Variants in KCNK13 observed in about 807,000 individuals in gnomAD.
KCNK13 encodes the protein potassium two pore domain channel subfamily K member 13.
In KCNK13, 12 loss-of-function variants were observed where a neutral mutation model predicts 23.4. The ratio of observed to expected loss-of-function variants is 0.51; its 90% CI spans 0.33 to 0.83. The LOEUF is 0.83. Among genes scored for constraint, KCNK13 ranks in the 40% least tolerant of loss-of-function variants. The probability of loss-of-function intolerance (pLI) is 0.02; values close to 1 mark genes in which losing one functional copy is unlikely to be tolerated. For missense variants in KCNK13, 463 were observed against 556.3 expected, an observed-to-expected ratio of 0.83 and a Z score of 1.69; for synonymous variants, 231 against 229.5, an observed-to-expected ratio of 1.01 and a Z score of -0.06.
chr14:90,116,476 C>T (rs1052092385), intron 1 of KCNK13, among the ~76,000 whole-genome samples: 3 of 152,108 alleles, frequency 2.0e-5, no homozygotes, highest in Non-Finnish European at 2.9e-5. Context: ...AAGGAAGTTC[C>T]GTGTGCCCTG....
chr14:90,114,356 A>G (rs1566954034), intron 1 of KCNK13, among the ~76,000 whole-genome samples: 2 of 152,112 alleles, frequency 1.3e-5, no homozygotes, highest in Non-Finnish European at 2.9e-5. Flanking sequence ...TGCACATTGG[A>G]ATCACCTGAG....
chr14:90,176,877 C>T (rs536526443), intron 1 of KCNK13, among the ~76,000 whole-genome samples: 4 of 151,946 alleles, frequency 2.6e-5, no homozygotes, highest in African/African-American at 7.2e-5. Flanking sequence ...AAAATTAGCT[C>T]GGCATGGTGG....
At chr14:90,069,925 GT>G (rs761801868) in intron 1 of KCNK13, among the ~76,000 whole-genome samples, 2 of 152,124 alleles carry the variant, frequency 1.3e-5, no homozygotes, top group Non-Finnish European at 2.9e-5. Context: ...ACCAAGTTTT[GT>G]TTTGTTCAGT....
chr14:90,141,678 G>C (rs572834288), intron 1 of KCNK13, among the ~76,000 whole-genome samples: 3 of 151,110 alleles, frequency 2.0e-5, no homozygotes, highest in African/African-American at 7.3e-5. Context: ...GGCTGGTCTC[G>C]AACTCCTGAC....
At chr14:90,166,889 A>T (rs1890310054) in intron 1 of KCNK13, among the ~76,000 whole-genome samples, 2 of 151,876 alleles carry the variant, frequency 1.3e-5, no homozygotes, top group African/African-American at 4.8e-5. Context: ...GAATATTGAC[A>T]TTGGAAGGTC....
intron 1 of KCNK13, among the ~76,000 whole-genome samples, chr14:90,075,079 T>C (rs1208128169): frequency 6.6e-6 from 1 of 152,182 alleles, no homozygotes; most frequent in Non-Finnish European, 1.5e-5. Flanking sequence ...ATGGACTTAA[T>C]ATTTGGTTTC....
chr14:90,064,415 C>T (rs533410997), intron 1 of KCNK13, among the ~76,000 whole-genome samples: 3 of 152,010 alleles, frequency 2.0e-5, no homozygotes, highest in Non-Finnish European at 4.4e-5. Flanking sequence ...CTGAGAGTGG[C>T]ATGGGTAGGT....
chr14:90,126,342 G>A (rs1291304352), intron 1 of KCNK13, among the ~76,000 whole-genome samples: 1 of 152,148 alleles, frequency 6.6e-6, no homozygotes, highest in African/African-American at 2.4e-5. Flanking sequence ...TAACTTTGCA[G>A]TGGAAAAACC....
chr14:90,179,126 T>C (rs1011165126), intron 1 of KCNK13, among the ~76,000 whole-genome samples: 2 of 152,094 alleles, frequency 1.3e-5, no homozygotes, highest in Non-Finnish European at 2.9e-5. Context: ...CAGTTAAAGA[T>C]GTGTCTTTAT....
chr14:90,114,643 A>C (rs17260618), intron 1 of KCNK13, among the ~76,000 whole-genome samples: 10,321 of 152,190 alleles, frequency 0.068, 440 homozygotes, highest in South Asian at 0.15. Context: ...TATTGCTCCC[A>C]ATCTTTTTTC....
At chr14:90,091,041 A>G (rs906470169) in intron 1 of KCNK13, among the ~76,000 whole-genome samples, 1 of 152,212 alleles carries the variant, frequency 6.6e-6, no homozygotes, top group South Asian at 2.1e-4. Flanking sequence ...CCTGCCATTC[A>G]TCTCTATGTT....
At chr14:90,174,121 A>G (rs928339487) in intron 1 of KCNK13, among the ~76,000 whole-genome samples, 2 of 152,094 alleles carry the variant, frequency 1.3e-5, no homozygotes, top group Non-Finnish European at 2.9e-5. Context: ...CCTGGCTAAC[A>G]TGGTGAAACC....
intron 1 of KCNK13, among the ~76,000 whole-genome samples, chr14:90,173,321 C>T (rs1409936792): frequency 6.6e-6 from 1 of 152,146 alleles, no homozygotes; most frequent in East Asian, 1.9e-4. Flanking sequence ...TGCACCACTG[C>T]ACTCCAGCCT....
chr14:90,063,065 G>C (rs940050111), intron 1 of KCNK13, among the ~76,000 whole-genome samples: 4 of 151,988 alleles, frequency 2.6e-5, no homozygotes, highest in African/African-American at 9.7e-5. Flanking sequence ...TGCCAATGAC[G>C]GTTCAAAAGA....
chr14:90,062,128 T>G lies in KCNK13; in HGVS notation c.-78T>G. 2 of 971,810 alleles carry G rather than the reference T, an allele frequency of 2.1e-6. No individual in the cohort carries two copies. The highest frequency in any genetic ancestry group is 2.7e-6 in the Non-Finnish European group (2 of 731,586). The allele number at this position is 971,810 out of a possible 1,614,324, so 60.2% of individuals were successfully genotyped here. ...GGGAGCTGGCTGAGCGCCGGGGCCC[T>G]TATTTCCCGGGGGTGTGGGCGAGAC... On this transcript the variant is annotated 5_prime_UTR_variant, in exon 1 of 2. Coordinates refer to ENST00000282146, the MANE Select transcript of KCNK13 (RefSeq NM_022054.4). The surrounding 1 kb of genome is among the most constrained non-coding windows in gnomAD (Gnocchi z 4.5).
chr14:90,111,844 G>C (rs1216843145), intron 1 of KCNK13, among the ~76,000 whole-genome samples: 2 of 152,164 alleles, frequency 1.3e-5, no homozygotes, highest in Non-Finnish European at 2.9e-5. Flanking sequence ...TTCTTCAGGT[G>C]AATCAACTTC....
chr14:90,084,444 C>G (rs1436316827), intron 1 of KCNK13, among the ~76,000 whole-genome samples: 2 of 152,026 alleles, frequency 1.3e-5, no homozygotes, highest in Admixed American at 6.6e-5. Flanking sequence ...TTGTTTATTG[C>G]AAGTGTGTAG....
intron 1 of KCNK13, among the ~76,000 whole-genome samples, chr14:90,147,596 A>G (rs950441975): frequency 6.6e-6 from 1 of 152,174 alleles, no homozygotes; most frequent in Non-Finnish European, 1.5e-5. Flanking sequence ...ATTGATATAT[A>G]GTCAAAGTTA....
chr14:90,069,527 A>ATC (rs1418024012), intron 1 of KCNK13, among the ~76,000 whole-genome samples: 2 of 134,292 alleles, frequency 1.5e-5, no homozygotes, highest in East Asian at 4.0e-4. Context: ...TGCTTTGGAA[A>ATC]TCTTTTTTTT....
Sources: allele counts gnomAD v4.1 joint callset (sites outside exome capture counted in the v4.1 genomes callset), GRCh38; gene constraint gnomAD v4.1.1; non-coding constraint Gnocchi (gnomAD v3.1); transcripts MANE v1.5; gene names NCBI Gene and HGNC (gene_info 2026-07-23, HGNC 2026-07-21).